The following ZNF845 variants were observed in gnomAD, a reference collection of about 807,000 sequenced individuals.
The protein encoded by ZNF845 is zinc finger protein 845.
Under a neutral mutation model 76.1 loss-of-function variants are expected in ZNF845, and 59 were observed. The observed-to-expected ratio is 0.78, with a 90% CI of 0.63 to 0.96. The LOEUF (loss-of-function observed/expected upper bound fraction) is 0.96. Among genes scored for constraint, ZNF845 ranks in the 40% least tolerant of loss-of-function variants. The pLI, the probability that ZNF845 is intolerant of heterozygous loss-of-function variation, is 0.00. For synonymous variants in ZNF845, 361 were observed against 386.9 expected, an observed-to-expected ratio of 0.93 and a Z score of 0.78; for missense variants, 1,045 against 1,172.8, an observed-to-expected ratio of 0.89 and a Z score of 1.59.
intron 1 of ZNF845, among the ~76,000 whole-genome samples, chr19:53,335,417 A>G (rs1268487336): frequency 6.6e-6 from 1 of 151,066 alleles, no homozygotes; most frequent in Non-Finnish European, 1.5e-5. Context: ...TGAGCCACCA[A>G]GTCCGGCTAG....
Position 53,351,596 on chromosome 19 carries a change from C to T in ZNF845, c.921C>T (p.Thr307=). Reference sequence around the variant, plus strand: ...ACAAGTGCAGTGAGTGTGGCAAGACCTTCAGTCGAAATTCAGCCCTTGTAA... The same window carrying T: ...ACAAGTGCAGTGAGTGTGGCAAGACTTTCAGTCGAAATTCAGCCCTTGTAA... ...KHYKCSECGK[T]FSRNSALVIH... The change falls in exon 4 of 4, where the codon ACC becomes ACT. Residue 307 remains threonine, a synonymous_variant. Coordinates refer to ENST00000458035, the MANE Select transcript of ZNF845 (RefSeq NM_138374.3). 6.2e-7 allele frequency: 1 copy of T among 1,613,962 alleles called. No homozygotes were observed. The highest frequency in any genetic ancestry group is 8.5e-7 in the Non-Finnish European group (1 of 1,179,960).
At position 53,354,943 on chromosome 19, in the gene ZNF845, G is replaced by T. The variant is rs1446122960; in HGVS notation, c.*1355G>T. On this transcript the variant is annotated 3_prime_UTR_variant, in exon 4 of 4. Transcript: ENST00000458035. The stretch of plus-strand genomic sequence containing the variant: ...GGCTCTTTTCTTTTTTTTTGAGAAG[G>T]AGTCTCACTCTTGTCACTTGGACTG... 1 of 151,388 alleles carries T rather than the reference G, an allele frequency of 6.6e-6. No homozygotes were observed. Among genetic ancestry groups the T allele is most frequent in the Non-Finnish European group, 1.5e-5 (1 of 67,870 alleles). The allele number at this position is 151,388 out of a possible 1,614,324, so 9.4% of individuals were successfully genotyped here. A position where few individuals can be genotyped will look rare whatever the true frequency, so the allele number is the denominator to read the frequency against.
intron 3 of ZNF845, among the ~76,000 whole-genome samples, chr19:53,350,304 T>C (rs2085324099): frequency 6.6e-6 from 1 of 152,162 alleles, no homozygotes; most frequent in Admixed American, 6.5e-5. Flanking sequence ...TTGCTTAATT[T>C]TGTAATGTTT....
chr19:53,346,305 G>T, intron 3 of ZNF845: 1 of 366,210 alleles, frequency 2.7e-6, no homozygotes, highest in South Asian at 1.9e-5. Flanking sequence ...ATTGACTTTT[G>T]TTTATGATGG....
At chr19:53,348,216 G>C (rs971950631) in intron 3 of ZNF845, among the ~76,000 whole-genome samples, 7 of 152,090 alleles carry the variant, frequency 4.6e-5, no homozygotes, top group Non-Finnish European at 7.4e-5. Flanking sequence ...CTTCAGGCAG[G>C]AGAATCATGC....
intron 2 of ZNF845, among the ~76,000 whole-genome samples, chr19:53,342,767 A>G (rs1483210258): frequency 2.0e-5 from 3 of 152,168 alleles, no homozygotes; most frequent in Admixed American, 6.6e-5. Flanking sequence ...GGTTTGTTGT[A>G]CAGATTATTT....
chr19:53,340,933 C>T (rs2085251919), intron 1 of ZNF845: 4 of 392,224 alleles, frequency 1.0e-5, no homozygotes, highest in Non-Finnish European at 1.8e-5. Flanking sequence ...CAGGTGCAAA[C>T]ACCCCTCCTT....
At chr19:53,337,045 C>T in intron 1 of ZNF845, 1 of 454,872 alleles carries the variant, frequency 2.2e-6, no homozygotes, top group Non-Finnish European at 4.4e-6. Flanking sequence ...CAACTCCTCA[C>T]TGTGGCTCCA....
At chr19:53,346,275 C>G (rs1263250792) in intron 3 of ZNF845, 1 of 317,954 alleles carries the variant, frequency 3.1e-6, no homozygotes, top group East Asian at 1.3e-4. Context: ...TTTGTGTAGA[C>G]ATGCTTTGAC....
chr19:53,351,191 G>C lies in ZNF845; in HGVS notation c.516G>C (p.Ser172=), dbSNP rs370565475. 4 of 1,614,156 alleles carry C rather than the reference G, an allele frequency of 2.5e-6. No homozygotes were observed. In the East Asian group the frequency reaches 8.9e-5, roughly 36 times the overall value. The part of the protein sequence containing the change: ...NQVEKSINSA[S]LVSTSQRISC... ...TTGAGAAGTCTATCAACAGTGCTTC[G>C]TTGGTTTCAACATCCCAAAGAATTT... Residue 172 remains serine, a synonymous_variant, in exon 4 of 4, where the codon TCG becomes TCC. Coordinates refer to ENST00000458035, the MANE Select transcript of ZNF845 (RefSeq NM_138374.3).
intron 3 of ZNF845, among the ~76,000 whole-genome samples, chr19:53,349,876 A>G (rs1004001222): frequency 6.6e-6 from 1 of 151,948 alleles, no homozygotes; most frequent in Non-Finnish European, 1.5e-5. Context: ...CTTTACTAAA[A>G]ACACAAAAAT....
chr19:53,351,037 G>A lies in ZNF845; in HGVS notation c.362G>A (p.Gly121Asp), dbSNP rs2085330135. The A allele has an allele frequency of 1.9e-6, 3 of 1,614,024 alleles. No individual in the cohort carries two copies. The highest frequency in any genetic ancestry group is 2.5e-6 in the Non-Finnish European group (3 of 1,180,034). ...ATGACAGAAATCAAACAGTTGACGG[G>A]TAGTACAAACCGACATGATCAAAGG... ...APMTEIKQLT[G>D]STNRHDQRHA... Residue 121 changes from glycine to aspartate, a missense_variant, in exon 4 of 4, where the codon GGT becomes GAT. Transcript: ENST00000458035.
At chr19:53,341,434 G>C (rs1047143356) in intron 2 of ZNF845, 112 bp downstream of exon 2, 3 of 1,481,920 alleles carry the variant, frequency 2.0e-6, no homozygotes, top group East Asian at 4.5e-5. Flanking sequence ...AGGTTTGCTC[G>C]CACTCACCCA....
rs776011642 is a variant in ZNF845 at position 53,353,068 on chromosome 19, C to G, written c.2393C>G (p.Thr798Ser). ...SHLAQHTRIH[T>S]GEKPYKCNEC... ...CTGGCACAACATACTAGAATTCACA[C>G]TGGAGAGAAACCTTACAAGTGTAAT... is the stretch of plus-strand genomic sequence containing the variant. Residue 798 changes from threonine (T) to serine (S), a missense_variant, in exon 4 of 4, where the codon ACT becomes AGT. Coordinates refer to ENST00000458035, the MANE Select transcript of ZNF845 (RefSeq NM_138374.3). 1 of 1,613,380 alleles carries G rather than the reference C, an allele frequency of 6.2e-7. No homozygotes were observed. The highest frequency in any genetic ancestry group is 1.1e-5 in the South Asian group (1 of 91,052).
intron 3 of ZNF845, among the ~76,000 whole-genome samples, chr19:53,349,290 TTTTTTGTTTTTG>T (rs1280852053): frequency 6.6e-6 from 1 of 151,850 alleles, no homozygotes; most frequent in Non-Finnish European, 1.5e-5. Flanking sequence ...TTTTTTTCTG[TTTTTTGTTTTTG>T]TTTTTGTTTT....
rs530108878 is a variant in ZNF845, at chr19:53,336,793, A to AT, written c.-74+3007dup. Among the ~76,000 whole-genome samples the AT allele has an allele frequency of 8.4e-4, 128 of 152,206 alleles. 1 individual carries two copies. The highest frequency in any genetic ancestry group is 3.0e-3 in the African/African-American group (124 of 41,540). Reference sequence around the variant, plus strand: ...TCCCATTGACATCTGAATTTGTTCGATTTTTTAAAAAACAATTTCCAAATA... The same window carrying AT: ...TCCCATTGACATCTGAATTTGTTCGATTTTTTTAAAAAACAATTTCCAAATA... On this transcript the variant is annotated intron_variant, in intron 1 of 3. Coordinates refer to ENST00000458035, the MANE Select transcript of ZNF845 (RefSeq NM_138374.3).
At chr19:53,348,743 T>G (rs1358171480) in intron 3 of ZNF845, among the ~76,000 whole-genome samples, 1 of 152,128 alleles carries the variant, frequency 6.6e-6, no homozygotes, top group Admixed American at 6.6e-5. Flanking sequence ...CATAGTGAAC[T>G]AGATAACTAA....
In ZNF845 at chr19:53,356,767, A is replaced by C. The variant is rs1044277290; in HGVS notation, c.*3179A>C. ...ACACGGTGAAACCCCGTCTCTACTAAAAATACAAAAAATTAGCTGGGCGAG... is the reference window on the plus strand; with the variant it reads ...ACACGGTGAAACCCCGTCTCTACTACAAATACAAAAAATTAGCTGGGCGAG... On this transcript the variant is annotated 3_prime_UTR_variant, in exon 4 of 4. Transcript: ENST00000458035. The C allele has an allele frequency of 1.3e-5, 2 of 151,766 alleles. No individual in the cohort carries two copies. The highest frequency in any genetic ancestry group is 2.1e-4 in the South Asian group (1 of 4,806). The allele number at this position is 151,766 out of a possible 1,614,324, so 9.4% of individuals were successfully genotyped here.
At chr19:53,342,056 T>C (rs1266532622) in intron 2 of ZNF845, among the ~76,000 whole-genome samples, 1 of 151,866 alleles carries the variant, frequency 6.6e-6, no homozygotes, top group Non-Finnish European at 1.5e-5. Flanking sequence ...ACTTCATTTT[T>C]ATCCTAGAGG....
Sources: allele counts gnomAD v4.1 joint callset (sites outside exome capture counted in the v4.1 genomes callset), GRCh38; gene constraint gnomAD v4.1.1; transcripts MANE v1.5; gene names NCBI Gene and HGNC (gene_info 2026-07-23, HGNC 2026-07-21).